DNTTIP1: variants seen among roughly 807,000 people sequenced by gnomAD.
DNTTIP1 encodes deoxynucleotidyltransferase terminal interacting protein 1.
DNTTIP1 carries 22 observed loss-of-function variants against 52.9 expected under a neutral mutation model. That is an observed-to-expected ratio of 0.42 (90% confidence interval 0.30 to 0.59). The LOEUF is 0.59. Among genes scored for constraint, DNTTIP1 ranks in the 20% least tolerant of loss-of-function variants. DNTTIP1 has a pLI of 0.22. For synonymous variants in DNTTIP1, 136 were observed against 155.1 expected (o/e 0.88, Z 0.92); for missense variants, 286 against 435.5 (o/e 0.66, Z 3.06).
intron 4 of DNTTIP1, among the ~76,000 whole-genome samples, chr20:45,798,344 AG>A (rs905573958): frequency 2.1e-5 from 2 of 96,738 alleles, no homozygotes; most frequent in East Asian, 3.2e-4. Context: ...GGGTTGGGGG[AG>A]GGGGGAGGGA....
chr20:45,802,195 G>T (rs1981497922), intron 7 of DNTTIP1, 138 bp downstream of exon 7: 3 of 921,366 alleles, frequency 3.3e-6, no homozygotes, highest in Middle Eastern at 3.2e-4. Flanking sequence ...GGGTTATCCT[G>T]GTTGGAGGGG....
chr20:45,798,779 A>G (rs12480887), intron 4 of DNTTIP1, among the ~76,000 whole-genome samples: 16,545 of 152,250 alleles, frequency 0.11, 1,002 homozygotes, highest in South Asian at 0.22. Flanking sequence ...GCTTTACAAG[A>G]GTTGAGGCCT....
intron 4 of DNTTIP1, among the ~76,000 whole-genome samples, chr20:45,798,689 G>A (rs1006865127): frequency 2.0e-5 from 3 of 151,998 alleles, no homozygotes; most frequent in South Asian, 2.1e-4. Flanking sequence ...CTATAAAGCC[G>A]GCTCCTTCTT....
intron 6 of DNTTIP1, 92 bp from the exon 7 acceptor site, chr20:45,801,907 A>ATC: frequency 7.9e-7 from 1 of 1,261,576 alleles, no homozygotes; most frequent in South Asian, 1.2e-5. Context: ...ATCTCTTTGG[A>ATC]AAACCATCTC....
chr20:45,792,813 C>T, intron 2 of DNTTIP1, 66 bp downstream of exon 2: 1 of 1,462,754 alleles, frequency 6.8e-7, no homozygotes, highest in Admixed American at 2.0e-5. Context: ...TTGGGATCCC[C>T]AGTGCACAAG....
At chr20:45,802,126 G>A (rs1050449211) in intron 7 of DNTTIP1, 69 bp downstream of exon 7, 1 of 1,527,402 alleles carries the variant, frequency 6.5e-7, no homozygotes, top group African/African-American at 1.4e-5. Context: ...TGAAGGAAAA[G>A]AGTCCAGGGT....
chr20:45,793,642 G>A (rs1237573898), intron 2 of DNTTIP1, among the ~76,000 whole-genome samples: 1 of 152,158 alleles, frequency 6.6e-6, no homozygotes, highest in African/African-American at 2.4e-5. Flanking sequence ...AGAGGTTGCA[G>A]TGAGCCAAAA....
At chr20:45,810,121 C>T (rs1981776232) in intron 11 of DNTTIP1, among the ~76,000 whole-genome samples, 1 of 152,118 alleles carries the variant, frequency 6.6e-6, no homozygotes, top group Non-Finnish European at 1.5e-5. Flanking sequence ...TCATGGACAC[C>T]TGATCTGTTA....
rs770211942 is a variant in DNTTIP1, at chr20:45,802,049, C to T, written c.549C>T (p.Ala183=). The T allele has an allele frequency of 8.1e-6, 13 of 1,614,078 alleles. 1 individual carries two copies. Among genetic ancestry groups the T allele is most frequent in the Non-Finnish European group, 1.1e-5 (13 of 1,180,022 alleles). Residue 183 remains alanine (A), a synonymous_variant, in exon 7 of 13, where the codon GCC becomes GCT. Transcript: ENST00000372622. ...GHILSSDRAA[A]GMVWKPKSCE... Reference sequence around the variant, plus strand: ...TCCTGTCAAGCGACCGGGCAGCCGCCGGCATGGTGTGAGTAGGGACCAACA... The same window carrying T: ...TCCTGTCAAGCGACCGGGCAGCCGCTGGCATGGTGTGAGTAGGGACCAACA...
intron 8 of DNTTIP1, among the ~76,000 whole-genome samples, chr20:45,804,846 C>G (rs1016872278): frequency 1.3e-5 from 2 of 152,212 alleles, no homozygotes; most frequent in Non-Finnish European, 2.9e-5. Context: ...TGGACCCTCC[C>G]CTCGGCAGCC....
At chr20:45,801,550 G>A in intron 6 of DNTTIP1, 92 bp downstream of exon 6, 1 of 1,322,250 alleles carries the variant, frequency 7.6e-7, no homozygotes, top group East Asian at 2.3e-5. Context: ...CACTTTGGGA[G>A]GCCAAGCGGG....
At chr20:45,800,069 G>A (rs1268604071) in intron 4 of DNTTIP1, among the ~76,000 whole-genome samples, 1 of 150,954 alleles carries the variant, frequency 6.6e-6, no homozygotes, top group Non-Finnish European at 1.5e-5. Context: ...GCAGACAGCC[G>A]AGATCGCACC....
chr20:45,794,935 A>C (rs1196173634), intron 3 of DNTTIP1, among the ~76,000 whole-genome samples: 1 of 151,338 alleles, frequency 6.6e-6, no homozygotes, highest in Non-Finnish European at 1.5e-5. Context: ...AGTAGCTGGG[A>C]TTACAGGCAT....
chr20:45,798,059 A>G (rs1412074242), intron 4 of DNTTIP1, among the ~76,000 whole-genome samples: 1 of 152,122 alleles, frequency 6.6e-6, no homozygotes, highest in Non-Finnish European at 1.5e-5. Context: ...ACTATTCACA[A>G]TAGCAAAGAC....
Position 45,792,667 on chromosome 20 carries a change from G to T in DNTTIP1, c.106-10G>T. On this transcript the variant is annotated splice_polypyrimidine_tract_variant and intron_variant, in intron 1 of 12. Transcript: ENST00000372622. ...GGCCGCAGTGACATTTGTTCCGTTG[G>T]TCCCCACAGAACCCTTGGAACATAA... 3 of 1,593,214 alleles carry T rather than the reference G, an allele frequency of 1.9e-6. No individual in the cohort carries two copies. The South Asian group carries it at 3.4e-5, about 18-fold the overall frequency.
chr20:45,797,090 G>A (rs541532839), intron 4 of DNTTIP1, among the ~76,000 whole-genome samples: 8 of 152,234 alleles, frequency 5.3e-5, no homozygotes, highest in African/African-American at 1.9e-4. Flanking sequence ...TTATATCTCA[G>A]TCCAGAGTTA....
At chr20:45,806,914 T>C (rs116567822) in intron 10 of DNTTIP1, among the ~76,000 whole-genome samples, 6,801 of 152,298 alleles carry the variant, frequency 0.045, 150 homozygotes, top group Middle Eastern at 0.099. Context: ...ATCAATATGC[T>C]TTTGGACCTA....
At chr20:45,805,771 C>T (rs1981617338) in intron 10 of DNTTIP1, among the ~76,000 whole-genome samples, 1 of 152,172 alleles carries the variant, frequency 6.6e-6, no homozygotes, top group African/African-American at 2.4e-5. Flanking sequence ...TTAACCACTA[C>T]CATATTTGGT....
chr20:45,792,811 C>A, intron 2 of DNTTIP1, 64 bp downstream of exon 2: 2 of 1,468,880 alleles, frequency 1.4e-6, no homozygotes, highest in South Asian at 1.2e-5. Flanking sequence ...ATTTGGGATC[C>A]CCAGTGCACA....
Sources: allele counts gnomAD v4.1 joint callset (sites outside exome capture counted in the v4.1 genomes callset), GRCh38; gene constraint gnomAD v4.1.1; transcripts MANE v1.5; gene names NCBI Gene and HGNC (gene_info 2026-07-23, HGNC 2026-07-21).